NAA11: variants seen among roughly 807,000 people sequenced by gnomAD.
NAA11 encodes the protein N-alpha-acetyltransferase 11, NatA catalytic subunit.
In NAA11, 15 loss-of-function variants were observed where a neutral mutation model predicts 16.1. That is an observed-to-expected ratio of 0.93 (90% CI 0.62 to 1.44). NAA11 has a LOEUF of 1.44. Among genes scored for constraint, NAA11 ranks in the 40% most tolerant of loss-of-function variants. The pLI is 0.00. For missense variants in NAA11, 298 were observed against 291.3 expected, an observed-to-expected ratio of 1.02 and a Z score of -0.17; for synonymous variants, 122 against 112.4, an observed-to-expected ratio of 1.09 and a Z score of -0.54.
At chr4:79,180,229 A>G in the NAA11 span, among the ~76,000 whole-genome samples, 1 of 152,194 alleles carries the variant, frequency 6.6e-6, no homozygotes, top group Non-Finnish European at 1.5e-5. Context: ...GGAGGAAAAA[A>G]ATCATAATAT....
the NAA11 span, among the ~76,000 whole-genome samples, chr4:79,173,635 A>G: frequency 6.6e-6 from 1 of 152,136 alleles, no homozygotes; most frequent in Admixed American, 6.6e-5. Context: ...TGAGAGTTTC[A>G]GATACTGAGA....
At position 79,296,993 on chromosome 4, in the gene NAA11, GCAT is replaced by G. The variant is rs561643297; in HGVS notation, c.*13-2882_*13-2880del. ...AGTGACAGCAGGAGCGGCTGTGGGA[GCAT>G]CATCAATGGCAGCAGTGGGTCCCCT... On this transcript the variant is annotated intron_variant and NMD_transcript_variant, in intron 1 of 2. Coordinates refer to the NAA11 transcript ENST00000511542. Among the ~76,000 whole-genome samples, 286 of 152,302 alleles carry G rather than the reference GCAT, an allele frequency of 1.9e-3. 1 individual carries two copies. Among genetic ancestry groups the G allele is most frequent in the African/African-American group, 6.6e-3 (273 of 41,552 alleles).
chr4:79,191,135 G>C, the NAA11 span, among the ~76,000 whole-genome samples: 1 of 152,030 alleles, frequency 6.6e-6, no homozygotes, highest in Non-Finnish European at 1.5e-5. Flanking sequence ...GTGAACGTTC[G>C]CGTGCATGTG....
At chr4:79,202,623 T>TTATATATATATATATGTA in the NAA11 span, among the ~76,000 whole-genome samples, 3 of 52,622 alleles carry the variant, frequency 5.7e-5, no homozygotes, top group African/African-American at 1.4e-4. Context: ...ATATATAGTT[T>TTATATATATATATATGTA]TATATATATA....
chr4:79,245,116 C>G (rs1192555926), intron 2 of NAA11: 1 of 158,810 alleles, frequency 6.3e-6, no homozygotes, highest in African/African-American at 2.4e-5. Flanking sequence ...AGCCCCTCTG[C>G]CCGGTGCCCA....
chr4:79,307,711 T>C (rs1039798543), intron 1 of NAA11, among the ~76,000 whole-genome samples: 1 of 152,198 alleles, frequency 6.6e-6, no homozygotes, highest in Non-Finnish European at 1.5e-5. Context: ...AGGGAGTATA[T>C]TGCTTGTTTC....
chr4:79,249,472 T>C (rs1028097632), intron 2 of NAA11, among the ~76,000 whole-genome samples: 1 of 152,174 alleles, frequency 6.6e-6, no homozygotes, highest in Non-Finnish European at 1.5e-5. Flanking sequence ...AGAATACAAT[T>C]GCTAGCATTA....
the NAA11 span, among the ~76,000 whole-genome samples, chr4:79,187,944 A>T: frequency 2.3e-4 from 31 of 134,024 alleles, no homozygotes; most frequent in Admixed American, 9.0e-5. Flanking sequence ...GCTTGCAGTG[A>T]GCCGAGATCG....
At chr4:79,176,254 A>C in the NAA11 span, among the ~76,000 whole-genome samples, 4 of 152,232 alleles carry the variant, frequency 2.6e-5, no homozygotes, top group African/African-American at 9.6e-5. Context: ...TCTAAAAATC[A>C]GTTATAGAAG....
chr4:79,211,907 C>T, the NAA11 span: 3 of 152,174 alleles, frequency 2.0e-5, no homozygotes, highest in Admixed American at 2.0e-4. Context: ...ATAAACATCT[C>T]ATCTTGGAAG....
intron 2 of NAA11, among the ~76,000 whole-genome samples, chr4:79,270,026 T>C (rs1458465077): frequency 2.0e-5 from 3 of 151,466 alleles, no homozygotes; most frequent in Admixed American, 2.0e-4. Context: ...GTATGCGGCG[T>C]TATTTCTGAG....
the NAA11 span, among the ~76,000 whole-genome samples, chr4:79,159,358 GGAAA>G: frequency 1.3e-5 from 2 of 152,006 alleles, no homozygotes; most frequent in Non-Finnish European, 2.9e-5. Flanking sequence ...CAATGATCAG[GGAAA>G]TGCAAATCAA....
chr4:79,291,574 A>G (rs1723086812), intron 2 of NAA11, among the ~76,000 whole-genome samples: 1 of 151,968 alleles, frequency 6.6e-6, no homozygotes, highest in Admixed American at 6.6e-5. Context: ...AAAATACAAA[A>G]TCAGCTGGGC....
At chr4:79,264,229 T>C (rs1345538820) in intron 2 of NAA11, among the ~76,000 whole-genome samples, 1 of 152,208 alleles carries the variant, frequency 6.6e-6, no homozygotes, top group Non-Finnish European at 1.5e-5. Flanking sequence ...ATAGAAACTT[T>C]TATAACAATT....
chr4:79,202,420 A>G, the NAA11 span, among the ~76,000 whole-genome samples: 7 of 149,972 alleles, frequency 4.7e-5, no homozygotes, highest in African/African-American at 1.5e-4. Context: ...CCCTGAGTTT[A>G]TAATGTTTTT....
At chr4:79,313,226 C>G (rs1021080443), downstream of NAA11, among the ~76,000 whole-genome samples, 9 of 151,984 alleles carry the variant, frequency 5.9e-5, no homozygotes, top group African/African-American at 2.2e-4. Context: ...AAAATGTTTA[C>G]AGTAACATTT....
At chr4:79,302,768 A>G (rs974059356) in intron 1 of NAA11, among the ~76,000 whole-genome samples, 7 of 152,014 alleles carry the variant, frequency 4.6e-5, no homozygotes, top group African/African-American at 1.7e-4. Flanking sequence ...CTTCTTACAA[A>G]ATGGAACATG....
At chr4:79,166,873 GA>G in the NAA11 span, among the ~76,000 whole-genome samples, 6 of 144,146 alleles carry the variant, frequency 4.2e-5, 1 homozygote, top group Admixed American at 6.9e-5. Flanking sequence ...TTCAAAAAAA[GA>G]AAAAAAAATT....
At chr4:79,195,543 C>T in the NAA11 span, among the ~76,000 whole-genome samples, 2 of 152,130 alleles carry the variant, frequency 1.3e-5, no homozygotes, top group East Asian at 1.9e-4. Flanking sequence ...TTTAATGCAA[C>T]ACTATTAGCT....
Sources: gnomAD v4.1 joint callset for allele counts (sites outside exome capture counted in the v4.1 genomes callset) on GRCh38, gnomAD v4.1.1 for gene constraint, MANE v1.5 for transcripts, NCBI Gene and HGNC (gene_info 2026-07-23, HGNC 2026-07-21) for gene names.